Variants in CNTN4 observed in about 807,000 individuals in gnomAD.
CNTN4 encodes the protein contactin-4.
A neutral mutation model predicts 122.5 loss-of-function variants in CNTN4; 77 were observed. The ratio of observed to expected loss-of-function variants is 0.63; its 90% CI spans 0.52 to 0.76. The LOEUF is 0.76. Among genes scored for constraint, CNTN4 ranks in the 30% least tolerant of loss-of-function variants. The pLI, the probability that CNTN4 is intolerant of heterozygous loss-of-function variation, is 0.00. For missense variants in CNTN4, 1,256 were observed against 1,259.1 expected (o/e 1.00, Z 0.04); for synonymous variants, 512 against 447.0 (o/e 1.15, Z -1.83).
At chr3:2,686,538 A>C (rs989796842) in intron 4 of CNTN4, among the ~76,000 whole-genome samples, 9 of 147,682 alleles carry the variant, frequency 6.1e-5, no homozygotes, top group African/African-American at 2.1e-4. Flanking sequence ...ATTGAGATAT[A>C]ATTAACATAT....
chr3:2,597,824 C>A (rs950341791), intron 4 of CNTN4, among the ~76,000 whole-genome samples: 5 of 152,120 alleles, frequency 3.3e-5, no homozygotes, highest in Non-Finnish European at 7.4e-5. Context: ...TATGTTTGTT[C>A]CCATCTAATC....
intron 3 of CNTN4, among the ~76,000 whole-genome samples, chr3:2,377,778 T>TG (rs1240444899): frequency 2.6e-5 from 4 of 152,100 alleles, no homozygotes; most frequent in Middle Eastern, 3.4e-3. Context: ...TGTGATTATT[T>TG]TTTTTTAACC....
intron 7 of CNTN4, 72 bp downstream of exon 7, chr3:2,819,653 G>A (rs2092818996): frequency 2.6e-6 from 3 of 1,137,294 alleles, no homozygotes; most frequent in Non-Finnish European, 4.0e-6. Context: ...TCTCCCTCCT[G>A]ACACCAGCTG....
At chr3:2,840,446 A>G (rs959648375) in intron 7 of CNTN4, among the ~76,000 whole-genome samples, 13 of 150,742 alleles carry the variant, frequency 8.6e-5, no homozygotes, top group African/African-American at 1.9e-4. Context: ...CACGCCTGTC[A>G]TCCCAGCACT....
chr3:2,394,257 A>G (rs1335237554), intron 3 of CNTN4, among the ~76,000 whole-genome samples: 2 of 152,146 alleles, frequency 1.3e-5, no homozygotes, highest in African/African-American at 2.4e-5. Context: ...GGCAGATTCT[A>G]GGGTTTCCAT....
chr3:2,773,030 A>G (rs764159631), intron 6 of CNTN4, among the ~76,000 whole-genome samples: 20 of 152,328 alleles, frequency 1.3e-4, no homozygotes, highest in Non-Finnish European at 2.1e-4. Flanking sequence ...ATCTGGCAAC[A>G]TGGAATTGAC....
rs558157770 is a variant in CNTN4, at chr3:2,395,593, C to A, written c.-89+56360C>A. 2.0e-5 allele frequency among the ~76,000 whole-genome samples: 3 copies of A among 152,118 alleles called. No individual in the cohort carries two copies. The South Asian group carries it at 6.2e-4, about 32-fold the overall frequency. ...AATAGGCAGTTTTTCAGTCCTTGCC[C>A]CACTCTTTTCCTCTCCTCTCTAGTA... On this transcript the variant is annotated intron_variant, in intron 3 of 24. Transcript: ENST00000418658.
At chr3:2,616,302 A>T (rs1006255330) in intron 4 of CNTN4, among the ~76,000 whole-genome samples, 1 of 152,162 alleles carries the variant, frequency 6.6e-6, no homozygotes, top group Non-Finnish European at 1.5e-5. Context: ...AGCTTCATCC[A>T]TGATCTCATT....
At chr3:2,135,090 G>A (rs1208069923) in intron 2 of CNTN4, among the ~76,000 whole-genome samples, 1 of 152,138 alleles carries the variant, frequency 6.6e-6, no homozygotes, top group Non-Finnish European at 1.5e-5. Flanking sequence ...CTGATCTAGT[G>A]AAGTGCAGTG....
intron 13 of CNTN4, among the ~76,000 whole-genome samples, chr3:2,976,628 A>C (rs1693439915): frequency 6.6e-6 from 1 of 152,102 alleles, no homozygotes; most frequent in South Asian, 2.1e-4. Context: ...TTTTTTCCTT[A>C]AGATGGGGAG....
intron 3 of CNTN4, among the ~76,000 whole-genome samples, chr3:2,442,358 G>A (rs758552304): frequency 6.6e-6 from 1 of 152,150 alleles, no homozygotes; most frequent in African/African-American, 2.4e-5. Context: ...GATTTAAGCA[G>A]ATATAACTCA....
chr3:2,789,472 G>T (rs576911612), intron 6 of CNTN4, among the ~76,000 whole-genome samples: 1 of 152,244 alleles, frequency 6.6e-6, no homozygotes, highest in Admixed American at 6.5e-5. Context: ...TTGCTCTATT[G>T]CCCAGGCTGG....
intron 4 of CNTN4, among the ~76,000 whole-genome samples, chr3:2,704,692 C>T (rs891486324): frequency 2.6e-5 from 4 of 151,984 alleles, no homozygotes; most frequent in Non-Finnish European, 5.9e-5. Context: ...AGATATAGAC[C>T]ATAAGATTGA....
chr3:2,511,459 G>C (rs2076883245), intron 3 of CNTN4: 1 of 152,234 alleles, frequency 6.6e-6, no homozygotes, highest in African/African-American at 2.4e-5. Context: ...CAGGAAGCTG[G>C]GTCCTCCTTG....
At chr3:2,623,086 A>G (rs565542159) in intron 4 of CNTN4, among the ~76,000 whole-genome samples, 1 of 152,340 alleles carries the variant, frequency 6.6e-6, no homozygotes, top group Admixed American at 6.5e-5. Flanking sequence ...ACCTTAATAA[A>G]TGCTGCAAAG....
chr3:2,280,236 A>G (rs1397286425), intron 2 of CNTN4, among the ~76,000 whole-genome samples: 1 of 152,194 alleles, frequency 6.6e-6, no homozygotes, highest in Non-Finnish European at 1.5e-5. Context: ...CTGGGATTAC[A>G]GGCGTGAGCC....
At chr3:2,233,648 C>G (rs956896744) in intron 2 of CNTN4, among the ~76,000 whole-genome samples, 3 of 151,978 alleles carry the variant, frequency 2.0e-5, no homozygotes, top group African/African-American at 7.3e-5. Flanking sequence ...GTGTCCACCC[C>G]CTCACCCCCA....
At chr3:2,872,105 T>C (rs4684368) in intron 8 of CNTN4, among the ~76,000 whole-genome samples, 139,503 of 152,080 alleles carry the variant, frequency 0.92, 64,097 homozygotes, top group East Asian at 0.97. Context: ...ATGAGCCTGC[T>C]CTGTTATATG....
chr3:2,503,208 G>C (rs76502049), intron 3 of CNTN4, among the ~76,000 whole-genome samples: 2 of 152,064 alleles, frequency 1.3e-5, no homozygotes, highest in African/African-American at 4.8e-5. Flanking sequence ...AGAGAGAATG[G>C]GTTCAGGATG....
Sources: gnomAD v4.1 joint callset for allele counts (sites outside exome capture counted in the v4.1 genomes callset) on GRCh38, gnomAD v4.1.1 for gene constraint, MANE v1.5 for transcripts, NCBI Gene and HGNC (gene_info 2026-07-23, HGNC 2026-07-21) for gene names.